Variants in NELL1 observed in about 807,000 individuals in gnomAD.
NELL1 encodes protein kinase C-binding protein NELL1.
NELL1 carries 76 observed loss-of-function variants against 107.4 expected under a neutral mutation model. The observed-to-expected ratio is 0.71, with a 90% CI of 0.59 to 0.86. The LOEUF (loss-of-function observed/expected upper bound fraction) is 0.86, where lower values mean the gene tolerates loss of function less well. NELL1 is among the 40% of genes least tolerant of loss of function. The pLI is 0.00. For missense variants in NELL1, 1,024 were observed against 1,005.5 expected (o/e 1.02, Z -0.25); for synonymous variants, 353 against 341.2 (o/e 1.03, Z -0.38).
intron 2 of NELL1, among the ~76,000 whole-genome samples, chr11:20,744,807 G>A (rs1182847367): frequency 6.6e-6 from 1 of 152,196 alleles, no homozygotes; most frequent in Admixed American, 6.5e-5. Flanking sequence ...AGTGGGAGTA[G>A]GGAGGGAATA....
At chr11:21,200,956 T>C (rs1285539714) in intron 13 of NELL1, among the ~76,000 whole-genome samples, 1 of 152,202 alleles carries the variant, frequency 6.6e-6, no homozygotes, top group East Asian at 1.9e-4. Flanking sequence ...TGTGGCATTA[T>C]TTCTGAGGCC....
intron 12 of NELL1, among the ~76,000 whole-genome samples, chr11:21,008,408 G>A (rs2134283163): frequency 6.6e-6 from 1 of 152,182 alleles, no homozygotes; most frequent in Non-Finnish European, 1.5e-5. Context: ...ATGATTCTAA[G>A]TAAAGGGATA....
At chr11:21,203,294 T>C (rs1308074314) in intron 13 of NELL1, among the ~76,000 whole-genome samples, 1 of 152,190 alleles carries the variant, frequency 6.6e-6, no homozygotes, top group East Asian at 1.9e-4. Flanking sequence ...GCTTTTTGAA[T>C]CTGGGTGCTC....
intron 14 of NELL1, among the ~76,000 whole-genome samples, chr11:21,236,032 AT>A (rs1858197100): frequency 6.6e-6 from 1 of 151,992 alleles, no homozygotes; most frequent in Admixed American, 6.6e-5. Flanking sequence ...GAGTTAACTA[AT>A]CATTCTCCCA....
At chr11:21,400,527 T>G (rs1173111694) in intron 15 of NELL1, among the ~76,000 whole-genome samples, 1 of 151,836 alleles carries the variant, frequency 6.6e-6, no homozygotes, top group African/African-American at 2.4e-5. Flanking sequence ...GGGTCATAAT[T>G]CTACCATCTT....
intron 15 of NELL1, among the ~76,000 whole-genome samples, chr11:21,472,000 T>G (rs1225337382): frequency 6.6e-6 from 1 of 152,076 alleles, no homozygotes; most frequent in African/African-American, 2.4e-5. Context: ...AGCCTGTTTC[T>G]GAAGATCATG....
At chr11:21,478,678 G>A (rs1564914309) in intron 15 of NELL1, among the ~76,000 whole-genome samples, 1 of 146,712 alleles carries the variant, frequency 6.8e-6, no homozygotes, top group Non-Finnish European at 1.5e-5. Context: ...TTAGAGAAAT[G>A]GGGTCACACC....
At chr11:20,720,981 G>A (rs1007377121) in intron 2 of NELL1, among the ~76,000 whole-genome samples, 1 of 152,044 alleles carries the variant, frequency 6.6e-6, no homozygotes, top group East Asian at 1.9e-4. Flanking sequence ...GCAGCCAATA[G>A]TAACCAAGAC....
rs1412538963 is a variant in NELL1 at position 20,691,377 on chromosome 11, T to C, written c.184+13317T>C. Among the ~76,000 whole-genome samples the C allele has an allele frequency of 5.0e-3, 754 of 150,766 alleles. 6 individuals are homozygous for C. Among genetic ancestry groups the C allele is most frequent in the African/African-American group, 0.018 (713 of 40,494 alleles). ...GTCTTGTACCAGTTTTCAAACAGAA[T>C]GCTTCCAGTTTTTGCCCATTCAGTA... On this transcript the variant is annotated intron_variant, in intron 2 of 19. Coordinates refer to ENST00000357134, the MANE Select transcript of NELL1 (RefSeq NM_006157.5).
intron 13 of NELL1, among the ~76,000 whole-genome samples, chr11:21,131,552 G>C (rs1855617645): frequency 6.6e-6 from 1 of 152,188 alleles, no homozygotes; most frequent in African/African-American, 2.4e-5. Flanking sequence ...CGTCTTTGAA[G>C]CCAAGATTCA....
chr11:20,758,325 T>A (rs1856343356), intron 2 of NELL1, among the ~76,000 whole-genome samples: 1 of 152,198 alleles, frequency 6.6e-6, no homozygotes, highest in South Asian at 2.1e-4. Context: ...ATTCAGAATG[T>A]GTCCTGTGGC....
chr11:21,351,564 G>A (rs1850816722), intron 14 of NELL1, among the ~76,000 whole-genome samples: 1 of 151,682 alleles, frequency 6.6e-6, no homozygotes, highest in African/African-American at 2.4e-5. Flanking sequence ...TAATTCTATA[G>A]GTGGAAGGAA....
At chr11:20,827,801 G>A (rs1381115504) in intron 3 of NELL1, among the ~76,000 whole-genome samples, 1 of 151,240 alleles carries the variant, frequency 6.6e-6, no homozygotes, top group Non-Finnish European at 1.5e-5. Context: ...CTAAGTTAAT[G>A]TGTACTATCT....
intron 14 of NELL1, among the ~76,000 whole-genome samples, chr11:21,270,438 G>T (rs1848717153): frequency 6.6e-6 from 1 of 151,966 alleles, no homozygotes; most frequent in African/African-American, 2.4e-5. Flanking sequence ...AGGGATAAAT[G>T]GGCATTACAT....
At chr11:21,212,422 A>G (rs1331055068) in intron 13 of NELL1, among the ~76,000 whole-genome samples, 3 of 152,186 alleles carry the variant, frequency 2.0e-5, no homozygotes, top group East Asian at 3.8e-4. Context: ...TTTGGTTCCA[A>G]CTCAGTTAGA....
At chr11:21,387,625 C>G (rs1312327352) in intron 15 of NELL1, among the ~76,000 whole-genome samples, 1 of 151,836 alleles carries the variant, frequency 6.6e-6, no homozygotes, top group Non-Finnish European at 1.5e-5. Flanking sequence ...TTAAAAACTT[C>G]CTTTACCACT....
At chr11:21,574,272 A>G (rs1463581684) in intron 19 of NELL1, among the ~76,000 whole-genome samples, 1 of 151,458 alleles carries the variant, frequency 6.6e-6, no homozygotes, top group Non-Finnish European at 1.5e-5. Context: ...TTTCTGGGAA[A>G]GTATCATCTT....
chr11:20,875,607 A>G (rs1463645730), intron 4 of NELL1, among the ~76,000 whole-genome samples: 2 of 152,196 alleles, frequency 1.3e-5, no homozygotes, highest in Non-Finnish European at 2.9e-5. Flanking sequence ...AAAATAAACA[A>G]TGAAGCATAC....
In NELL1 at chr11:21,244,206, C is replaced by A. The variant is rs374624591; in HGVS notation, c.1549+14752C>A. On this transcript the variant is annotated intron_variant, in intron 14 of 19. Coordinates refer to ENST00000357134, the MANE Select transcript of NELL1 (RefSeq NM_006157.5). ...AAAAAAGAACACAACAAATCTATAGCATTTACTTTCGTTGCATTTTAAGAT... is the reference window on the plus strand; with the variant it reads ...AAAAAAGAACACAACAAATCTATAGAATTTACTTTCGTTGCATTTTAAGAT... 5.9e-5 allele frequency among the ~76,000 whole-genome samples: 9 copies of A among 152,196 alleles called. No homozygotes were observed. In the East Asian group the frequency reaches 9.7e-4, roughly 16 times the overall value.
Sources: gnomAD v4.1 joint callset for allele counts (sites outside exome capture counted in the v4.1 genomes callset) on GRCh38, gnomAD v4.1.1 for gene constraint, MANE v1.5 for transcripts, NCBI Gene and HGNC (gene_info 2026-07-23, HGNC 2026-07-21) for gene names.